FBH1: variants seen among roughly 807,000 people sequenced by gnomAD.
FBH1 encodes the protein DNA 3'-5' helicase 1.
In FBH1, 43 loss-of-function variants were observed where a neutral mutation model predicts 115.5. The ratio of observed to expected loss-of-function variants is 0.37; its 90% CI spans 0.29 to 0.48. FBH1 has a LOEUF of 0.48. Among genes scored for constraint, FBH1 ranks in the 20% least tolerant of loss-of-function variants. The pLI is 0.99. For synonymous variants in FBH1, 524 were observed against 507.8 expected (o/e 1.03, Z -0.43); for missense variants, 1,001 against 1,337.3 (o/e 0.75, Z 3.92).
chr10:5,904,315 G>A (rs1169462909), intron 2 of FBH1, among the ~76,000 whole-genome samples: 8 of 152,076 alleles, frequency 5.3e-5, no homozygotes, highest in African/African-American at 1.9e-4. Flanking sequence ...TTACAGGTGC[G>A]AGCCACCTCT....
At chr10:5,903,659 C>A (rs1180902018) in intron 2 of FBH1, among the ~76,000 whole-genome samples, 29 of 151,976 alleles carry the variant, frequency 1.9e-4, no homozygotes, top group Non-Finnish European at 4.0e-4. Flanking sequence ...ATCCTATTAT[C>A]ATAGTTTGTA....
In FBH1 at chr10:5,914,313, C is replaced by CT. The variant is rs1159104525; in HGVS notation, c.1396+48dup. 6.5e-7 allele frequency: 1 copy of CT among 1,545,336 alleles called. No homozygotes were observed. Among genetic ancestry groups the CT allele is most frequent in the Admixed American group, 1.7e-5 (1 of 59,928 alleles). On this transcript the variant is annotated intron_variant, in intron 8 of 20. Transcript: ENST00000362091. This position sits in a 1 kb window ranked among gnomAD's most constrained non-coding sequence, Gnocchi z 5.2. ...GGTTCACGAGGTGGTGGTTTTCTGCCTTTTCTCCCTACATCCCCTTCCCGC... is the reference window on the plus strand; with the variant it reads ...GGTTCACGAGGTGGTGGTTTTCTGCCTTTTTCTCCCTACATCCCCTTCCCGC...
In FBH1 at chr10:5,923,786, C is replaced by A; in HGVS notation, c.2398+90C>A. The A allele has an allele frequency of 8.1e-7, 1 of 1,236,890 alleles. No homozygotes were observed. The highest frequency in any genetic ancestry group is 1.2e-6 in the Non-Finnish European group (1 of 859,324). 76.6% of individuals were successfully genotyped at this position (1,236,890 alleles called of 1,614,324 possible). A position where few individuals can be genotyped will look rare whatever the true frequency, so the allele number is the denominator to read the frequency against. ...GCAGGCCCAGTCTGAGTCAGGGACC[C>A]GTTTCCCTCCAGAGAAGGGCGAGCT... On this transcript the variant is annotated intron_variant, in intron 16 of 20. Coordinates refer to ENST00000362091, the MANE Select transcript of FBH1 (RefSeq NM_178150.3). This position sits in a 1 kb window ranked among gnomAD's most constrained non-coding sequence, Gnocchi z 5.7.
rs761427391 is a variant in FBH1, at chr10:5,937,301, G to A, written c.*21G>A. 7.9e-6 allele frequency: 12 copies of A among 1,516,772 alleles called. No homozygotes were observed. The highest frequency in any genetic ancestry group is 5.0e-5 in the East Asian group (2 of 40,146). The allele number at this position is 1,516,772 out of a possible 1,614,324, so 94.0% of individuals were successfully genotyped here. On this transcript the variant is annotated 3_prime_UTR_variant, in exon 21 of 21. Transcript: ENST00000362091. ...TCTGAGGACAAGGCGCACGTTCTCC[G>A]CAGTGCAGAGCAGCTTGCCGAGGAC...
Position 5,915,245 on chromosome 10 carries a change from G to C in FBH1, c.1397-158G>C, listed in dbSNP as rs952958472. On this transcript the variant is annotated intron_variant, in intron 8 of 20. Transcript: ENST00000362091. This position sits in a 1 kb window ranked among gnomAD's most constrained non-coding sequence, Gnocchi z 5.2. ...ACCTTCACCTGGCTTTGAATCTGCTGCTCTTTTGGTGGCACTACTTTTACC... is the reference window on the plus strand; with the variant it reads ...ACCTTCACCTGGCTTTGAATCTGCTCCTCTTTTGGTGGCACTACTTTTACC... 2.6e-5 allele frequency among the ~76,000 whole-genome samples: 4 copies of C among 152,184 alleles called. No individual in the cohort carries two copies. Among genetic ancestry groups the C allele is most frequent in the Non-Finnish European group, 5.9e-5 (4 of 68,044 alleles).
In FBH1 at chr10:5,909,056, GTGAGCTTTGCC is replaced by G; in HGVS notation, c.884+4_884+14del. 1 of 1,614,140 alleles carries G rather than the reference GTGAGCTTTGCC, an allele frequency of 6.2e-7. No individual in the cohort carries two copies. The highest frequency in any genetic ancestry group is 1.7e-5 in the Admixed American group (1 of 60,028). The stretch of plus-strand genomic sequence containing the variant: ...ACCTGTGTGTGCTGAACCTCATACG[GTGAGCTTTGCC>G]TGTGCTGTAAAGAAGGCGTCTTTGA... On this transcript the variant is annotated splice_donor_variant and splice_donor_5th_base_variant and intron_variant, in intron 4 of 20. Coordinates refer to ENST00000362091, the MANE Select transcript of FBH1 (RefSeq NM_178150.3). LOFTEE classifies it high-confidence loss of function. This position sits in a 1 kb window ranked among gnomAD's most constrained non-coding sequence, Gnocchi z 4.4.
At chr10:5,912,988 G>A (rs1046133492) in intron 6 of FBH1, among the ~76,000 whole-genome samples, 1 of 152,130 alleles carries the variant, frequency 6.6e-6, no homozygotes, top group Non-Finnish European at 1.5e-5. Context: ...GCTTGGAGAT[G>A]GGCTCTTTTC....
rs745718519 is a variant in FBH1, at chr10:5,916,319, A to G, written c.1651A>G (p.Ile551Val). The G allele has an allele frequency of 1.9e-6, 3 of 1,614,250 alleles. No homozygotes were observed. The highest frequency in any genetic ancestry group is 1.1e-5 in the South Asian group (1 of 91,088). ...SVLAEGKGGF[I>V]RAKLVCKTLE... ...CCTTGCTGAAGGGAAGGGTGGATTC[A>G]TAAGAGCCAAGCTTGTGTGTAAGAC... The change falls in exon 10 of 21, where the codon ATA becomes GTA. Residue 551 changes from isoleucine (I) to valine (V), a missense_variant. Coordinates refer to ENST00000362091, the MANE Select transcript of FBH1 (RefSeq NM_178150.3).
chr10:5,896,555 C>G (rs1424713943), intron 1 of FBH1, among the ~76,000 whole-genome samples: 2 of 152,176 alleles, frequency 1.3e-5, no homozygotes, highest in Admixed American at 1.3e-4. Flanking sequence ...TTTTTCTACC[C>G]TGACACCTGA....
At position 5,911,096 on chromosome 10, in the gene FBH1, C is replaced by T; in HGVS notation, c.1179C>T (p.Ala393=). ...TLYCIAVLLY[A]MREKGINISN... ...ACTGCATAGCCGTGCTTCTCTACGC[C>T]ATGAGGGAGAAGGGGATTAACATCA... is the stretch of plus-strand genomic sequence containing the variant. Residue 393 remains alanine (A), a synonymous_variant, in exon 6 of 21, where the codon GCC becomes GCT. Coordinates refer to ENST00000362091, the MANE Select transcript of FBH1 (RefSeq NM_178150.3). The surrounding 1 kb of genome is among the most constrained non-coding windows in gnomAD (Gnocchi z 5.4). The T allele has an allele frequency of 6.2e-7, 1 of 1,613,160 alleles. No individual in the cohort carries two copies. Among genetic ancestry groups the T allele is most frequent in the Non-Finnish European group, 8.5e-7 (1 of 1,179,856 alleles).
At chr10:5,927,937 T>G (rs1832748250) in intron 19 of FBH1, among the ~76,000 whole-genome samples, 1 of 151,394 alleles carries the variant, frequency 6.6e-6, no homozygotes, top group South Asian at 2.1e-4. Context: ...CCAGGTGTGG[T>G]GGCATGCATC....
chr10:5,905,597 C>A (rs7902223), intron 2 of FBH1, among the ~76,000 whole-genome samples: 7,317 of 152,126 alleles, frequency 0.048, 250 homozygotes, highest in East Asian at 0.15. Context: ...TGAGATTTTC[C>A]GAATCCTGAT....
Position 5,925,469 on chromosome 10 carries a change from C to T in FBH1, c.2699C>T (p.Pro900Leu). 1 of 1,614,048 alleles carries T rather than the reference C, an allele frequency of 6.2e-7. No individual in the cohort carries two copies. Among genetic ancestry groups the T allele is most frequent in the East Asian group, 2.2e-5 (1 of 44,888 alleles). Reference sequence around the variant, plus strand: ...GTGCCTTGTGCCCGGCATAACCTGCCCCAGCTTCCGCACTTCAGAGTTGGT... The same window carrying T: ...GTGCCTTGTGCCCGGCATAACCTGCTCCAGCTTCCGCACTTCAGAGTTGGT... The part of the protein sequence containing the change: ...VKVPCARHNL[P>L]QLPHFRVESF... Residue 900 changes from proline to leucine, a missense_variant, in exon 18 of 21, where the codon CCC (proline) becomes CTC (leucine). By Grantham distance (98) the Pro-to-Leu change is moderately conservative. Transcript: ENST00000362091. The surrounding 1 kb of genome is among the most constrained non-coding windows in gnomAD (Gnocchi z 4.6).
In FBH1 at chr10:5,917,193, T is replaced by A. The variant is rs1832016580; in HGVS notation, c.1789-227T>A. 3 of 565,166 alleles carry A rather than the reference T, an allele frequency of 5.3e-6. No homozygotes were observed. The highest frequency in any genetic ancestry group is 9.5e-6 in the Non-Finnish European group (3 of 314,218). The allele number at this position is 565,166 out of a possible 1,614,324, so 35.0% of individuals were successfully genotyped here. ...GTTCACCTAACTGTTATGATCTCTG[T>A]CCTGTCACGGGCATGGCACGGCCCG... On this transcript the variant is annotated intron_variant, in intron 10 of 20. Coordinates refer to ENST00000362091, the MANE Select transcript of FBH1 (RefSeq NM_178150.3). This position sits in a 1 kb window ranked among gnomAD's most constrained non-coding sequence, Gnocchi z 5.6.
rs189963443 is a variant in FBH1 at position 5,894,481 on chromosome 10, C to T, written c.1+4135C>T. 7.3e-5 allele frequency: 89 copies of T among 1,226,722 alleles called. 1 individual carries two copies. The African/African-American group carries it at 1.1e-3, about 15-fold the overall frequency. The allele number at this position is 1,226,722 out of a possible 1,614,324, so 76.0% of individuals were successfully genotyped here. A position where few individuals can be genotyped will look rare whatever the true frequency, so the allele number is the denominator to read the frequency against. On this transcript the variant is annotated intron_variant, in intron 1 of 20. Transcript: ENST00000362091. The stretch of plus-strand genomic sequence containing the variant: ...GGAGACCCGGGTTCTTGTGTTGGCA[C>T]CATCACTCATGAGCTACGAGGTGAC...
In FBH1 at chr10:5,923,429, G is replaced by A. The variant is rs1832428635; in HGVS notation, c.2323-192G>A. ...TGTTCAGGCCACGTGGCAGCCTTGC[G>A]CTTTCTGCTTCATGAAGTTTCCTGC... On this transcript the variant is annotated intron_variant, in intron 15 of 20. Transcript: ENST00000362091. This position sits in a 1 kb window ranked among gnomAD's most constrained non-coding sequence, Gnocchi z 5.7. The A allele has an allele frequency of 1.8e-6, 1 of 551,918 alleles. No homozygotes were observed. The highest frequency in any genetic ancestry group is 3.2e-6 in the Non-Finnish European group (1 of 310,174). 34.2% of individuals were successfully genotyped at this position (551,918 alleles called of 1,614,324 possible). A position where few individuals can be genotyped will look rare whatever the true frequency, so the allele number is the denominator to read the frequency against.
At chr10:5,891,973 G>T (rs1842760405) in intron 1 of FBH1, among the ~76,000 whole-genome samples, 1 of 152,200 alleles carries the variant, frequency 6.6e-6, no homozygotes, top group Admixed American at 6.5e-5. Context: ...ATTCGATTCT[G>T]CCTCTTGTGT....
rs1236184161 is a variant in FBH1 at position 5,927,474 on chromosome 10, C to G, written c.2762C>G (p.Ala921Gly). 1 of 1,613,538 alleles carries G rather than the reference C, an allele frequency of 6.2e-7. No individual in the cohort carries two copies. The highest frequency in any genetic ancestry group is 8.5e-7 in the Non-Finnish European group (1 of 1,179,844). Residue 921 changes from alanine (A) to glycine (G), a missense_variant, in exon 19 of 21, where the codon GCA becomes GGA. By Grantham distance (60) the Ala-to-Gly change is moderately conservative. Coordinates refer to ENST00000362091, the MANE Select transcript of FBH1 (RefSeq NM_178150.3). Reference sequence around the variant, plus strand: ...GATGAATGGAATTTACTGTATGTTGCAGTAACTCGAGCCAAGAAGCGTCTC... The same window carrying G: ...GATGAATGGAATTTACTGTATGTTGGAGTAACTCGAGCCAAGAAGCGTCTC... ...SEDEWNLLYVAVTRAKKRLIM... is the reference protein window; with the variant it reads ...SEDEWNLLYVGVTRAKKRLIM...
intron 1 of FBH1, 62 bp from the exon 2 acceptor site, chr10:5,902,958 G>C (rs1038391530): frequency 1.3e-6 from 2 of 1,499,872 alleles, no homozygotes; most frequent in African/African-American, 1.4e-5. Context: ...GTGCTGGCTA[G>C]CTTGTAGAAT....
Sources: gnomAD v4.1 joint callset for allele counts (sites outside exome capture counted in the v4.1 genomes callset) on GRCh38, gnomAD v4.1.1 for gene constraint, Gnocchi (gnomAD v3.1) non-coding constraint, MANE v1.5 for transcripts, NCBI Gene and HGNC (gene_info 2026-07-23, HGNC 2026-07-21) for gene names.